Variants in VWA8 observed in about 807,000 individuals in gnomAD.
VWA8 encodes von Willebrand factor A domain-containing protein 8.
VWA8 carries 221 observed loss-of-function variants against 241.5 expected under a neutral mutation model. The observed-to-expected ratio is 0.91, with a 90% CI of 0.82 to 1.02. The LOEUF (loss-of-function observed/expected upper bound fraction) is 1.02, where lower values mean the gene tolerates loss of function less well. Ranked by LOEUF, VWA8 falls within the 50% of genes least tolerant of loss-of-function variation. The pLI, the probability that VWA8 is intolerant of heterozygous loss-of-function variation, is 0.00. For missense variants in VWA8, 2,322 were observed against 2,328.7 expected, an observed-to-expected ratio of 1.00 and a Z score of 0.06; for synonymous variants, 852 against 827.1, an observed-to-expected ratio of 1.03 and a Z score of -0.52.
intron 9 of VWA8, among the ~76,000 whole-genome samples, chr13:41,881,506 T>TC (rs1443121549): frequency 3.1e-3 from 1 of 320 alleles, no homozygotes; most frequent in African/African-American, 0.012. Context: ...CTCAATCTTT[T>TC]CCCCACCTTT....
At chr13:41,661,227 C>T (rs73466933) in intron 37 of VWA8, among the ~76,000 whole-genome samples, 5,157 of 152,226 alleles carry the variant, frequency 0.034, 294 homozygotes, top group African/African-American at 0.12. Flanking sequence ...CTGCTTGCCA[C>T]GAAGCTGAAA....
intron 12 of VWA8, among the ~76,000 whole-genome samples, chr13:41,863,455 T>TATATTCA (rs1566485517): frequency 1.3e-3 from 113 of 87,002 alleles, no homozygotes; most frequent in South Asian, 3.0e-3. Context: ...ATATATATAT[T>TATATTCA]CACACACACA....
intron 2 of VWA8, among the ~76,000 whole-genome samples, chr13:41,939,472 C>T (rs1877499119): frequency 6.6e-6 from 1 of 151,866 alleles, no homozygotes; most frequent in African/African-American, 2.4e-5. Flanking sequence ...GTAACAAGAC[C>T]TAGATCATAA....
intron 24 of VWA8, 32 bp from the exon 25 acceptor site, chr13:41,721,607 G>A (rs745709204): frequency 6.9e-6 from 11 of 1,584,654 alleles, no homozygotes; most frequent in Non-Finnish European, 9.4e-6. Flanking sequence ...CATTCAGTAT[G>A]CAACAAATCC....
chr13:41,864,525 C>T (rs939848694), intron 12 of VWA8: 4 of 390,718 alleles, frequency 1.0e-5, no homozygotes, highest in South Asian at 5.9e-5. Context: ...CTGATATATG[C>T]AACAACATGG....
chr13:41,865,635 T>C (rs1316826836), intron 12 of VWA8, 101 bp downstream of exon 12: 12 of 1,326,054 alleles, frequency 9.0e-6, no homozygotes, highest in African/African-American at 3.0e-5. Flanking sequence ...TTTACCTATA[T>C]AAAAAAACAC....
intron 17 of VWA8, among the ~76,000 whole-genome samples, chr13:41,800,139 T>A (rs1009203662): frequency 1.3e-5 from 2 of 152,248 alleles, no homozygotes; most frequent in African/African-American, 4.8e-5. Flanking sequence ...GTTGCTAACA[T>A]TTCATTGTAT....
chr13:41,832,008 GC>G (rs1871490613), intron 13 of VWA8, among the ~76,000 whole-genome samples: 2 of 151,018 alleles, frequency 1.3e-5, no homozygotes, highest in Non-Finnish European at 2.9e-5. Flanking sequence ...TCGGCTCACT[GC>G]AACCTCCACC....
chr13:41,679,861 GC>G (rs1185873272), intron 35 of VWA8, among the ~76,000 whole-genome samples: 1 of 56,670 alleles, frequency 1.8e-5, no homozygotes, highest in African/African-American at 7.3e-5. Context: ...GCCCCCGGCC[GC>G]CCCACCATTT....
At chr13:41,944,844 G>GT (rs1877779178) in intron 2 of VWA8, among the ~76,000 whole-genome samples, 1 of 147,228 alleles carries the variant, frequency 6.8e-6, no homozygotes, top group African/African-American at 2.5e-5. Flanking sequence ...ATCAACAATT[G>GT]TTTAACATCA....
At chr13:41,672,761 G>T (rs796577010) in intron 36 of VWA8, among the ~76,000 whole-genome samples, 3 of 152,280 alleles carry the variant, frequency 2.0e-5, no homozygotes, top group Non-Finnish European at 2.9e-5. Context: ...AGGGCTCAAA[G>T]AAGGTAACAT....
intron 20 of VWA8, among the ~76,000 whole-genome samples, chr13:41,773,168 C>T (rs1190410613): frequency 1.3e-5 from 2 of 152,190 alleles, no homozygotes; most frequent in East Asian, 1.9e-4. Flanking sequence ...TAGGCATTTT[C>T]ACAGGGGACT....
At chr13:41,740,788 A>T (rs1407643272) in intron 21 of VWA8, among the ~76,000 whole-genome samples, 1 of 152,212 alleles carries the variant, frequency 6.6e-6, no homozygotes, top group Non-Finnish European at 1.5e-5. Flanking sequence ...GAACACGAGG[A>T]TGTGGTTCAT....
chr13:41,747,837 C>A (rs2045621591), intron 21 of VWA8, among the ~76,000 whole-genome samples: 1 of 152,180 alleles, frequency 6.6e-6, no homozygotes, highest in African/African-American at 2.4e-5. Context: ...AAGGCCTTTT[C>A]TGCATCTATT....
chr13:41,651,730 C>G (rs917821208), intron 37 of VWA8, among the ~76,000 whole-genome samples: 1 of 151,916 alleles, frequency 6.6e-6, no homozygotes, highest in Non-Finnish European at 1.5e-5. Context: ...CCAAAAAAAT[C>G]TTAGTTTGTG....
chr13:41,874,969 C>T (rs975038381), intron 9 of VWA8, among the ~76,000 whole-genome samples: 19 of 152,222 alleles, frequency 1.2e-4, no homozygotes, highest in African/African-American at 3.4e-4. Context: ...CTCCTCCATA[C>T]TTTACTAGAA....
At chr13:41,674,915 T>C (rs187637373) in intron 36 of VWA8, among the ~76,000 whole-genome samples, 4 of 152,324 alleles carry the variant, frequency 2.6e-5, no homozygotes, top group African/African-American at 9.6e-5. Flanking sequence ...ATTTTTGTAA[T>C]ACTAAAAATG....
chr13:41,951,928 C>A (rs1456721520), intron 1 of VWA8, among the ~76,000 whole-genome samples: 1 of 152,082 alleles, frequency 6.6e-6, no homozygotes, highest in Non-Finnish European at 1.5e-5. Context: ...AAGATAAGGA[C>A]TACACACAAA....
chr13:41,911,685 C>G (rs1319807390), intron 3 of VWA8, among the ~76,000 whole-genome samples: 2 of 152,162 alleles, frequency 1.3e-5, no homozygotes, highest in Non-Finnish European at 2.9e-5. Context: ...AAATGTGAGC[C>G]TGAGATAAGG....
Sources: gnomAD v4.1 joint callset for allele counts (sites outside exome capture counted in the v4.1 genomes callset) on GRCh38, gnomAD v4.1.1 for gene constraint, MANE v1.5 for transcripts, NCBI Gene and HGNC (gene_info 2026-07-23, HGNC 2026-07-21) for gene names.